The following NBAS variants were observed in gnomAD, a reference collection of about 807,000 sequenced individuals.
The protein encoded by NBAS is NBAS subunit of NRZ tethering complex.
NBAS carries 219 observed loss-of-function variants against 302.5 expected under a neutral mutation model. The observed-to-expected ratio is 0.72, with a 90% CI of 0.65 to 0.81. The LOEUF is 0.81. Among genes scored for constraint, NBAS ranks in the 30% least tolerant of loss-of-function variants. The pLI is 0.00. For synonymous variants in NBAS, 1,118 were observed against 1,021.6 expected, an observed-to-expected ratio of 1.09 and a Z score of -1.80; for missense variants, 2,932 against 2,841.6, an observed-to-expected ratio of 1.03 and a Z score of -0.72.
At position 15,189,728 on chromosome 2, in the gene NBAS, G is replaced by A. The variant is rs934425233; in HGVS notation, c.6572+536C>T. Among the ~76,000 whole-genome samples the A allele has an allele frequency of 2.0e-5, 3 of 152,184 alleles. No homozygotes were observed. In the East Asian group the frequency reaches 5.8e-4, roughly 29 times the overall value. The stretch of plus-strand genomic sequence containing the variant: ...ACAGGGGCTGTGAAGGTAGCCAGCA[G>A]TTGGTTAGAATTCTGTCTCCTCCAC... On this transcript the variant is annotated intron_variant, in intron 49 of 51. Transcript: ENST00000281513.
At chr2:15,334,956 A>C (rs1015118544) in intron 35 of NBAS, among the ~76,000 whole-genome samples, 2 of 152,164 alleles carry the variant, frequency 1.3e-5, no homozygotes, top group East Asian at 3.8e-4. Context: ...AGCATAAATT[A>C]ATTTTGTCTA....
downstream of NBAS, among the ~76,000 whole-genome samples, chr2:15,163,419 T>C (rs1205597895): frequency 6.6e-6 from 1 of 152,216 alleles, no homozygotes; most frequent in Non-Finnish European, 1.5e-5. Context: ...CCTGCTCTCC[T>C]GACTGGCTCT....
chr2:15,047,939 G>C, the NBAS span, among the ~76,000 whole-genome samples: 1 of 152,236 alleles, frequency 6.6e-6, no homozygotes, highest in Admixed American at 6.5e-5. Context: ...ATTAGAAAAC[G>C]TTCATCGGTT....
chr2:15,113,934 G>A, the NBAS span, among the ~76,000 whole-genome samples: 1 of 152,112 alleles, frequency 6.6e-6, no homozygotes, highest in Non-Finnish European at 1.5e-5. Flanking sequence ...CACAAAAAGA[G>A]AGACAAGAGA....
intron 42 of NBAS, among the ~76,000 whole-genome samples, chr2:15,281,295 C>T (rs560294857): frequency 7.2e-5 from 11 of 152,112 alleles, no homozygotes; most frequent in Non-Finnish European, 1.5e-4. Flanking sequence ...TACTACCTTG[C>T]CAACAAAAAC....
At chr2:14,837,232 C>A in the NBAS span, among the ~76,000 whole-genome samples, 1 of 151,794 alleles carries the variant, frequency 6.6e-6, no homozygotes, top group Admixed American at 6.6e-5. Context: ...TGTTCCCAAT[C>A]TCAAATGGAA....
At position 15,338,923 on chromosome 2, in the gene NBAS, G is replaced by A. The variant is rs78037229; in HGVS notation, c.4180-8158C>T. 8.5e-3 allele frequency among the ~76,000 whole-genome samples: 1,291 copies of A among 152,176 alleles called. 19 individuals carry two copies. The highest frequency in any genetic ancestry group is 0.059 in the East Asian group (306 of 5,184). On this transcript the variant is annotated intron_variant, in intron 35 of 51. Transcript: ENST00000281513. The stretch of plus-strand genomic sequence containing the variant: ...AGCTACTTGGGGGGCTGAGGCAGAA[G>A]GATCACTTAAGCCCCGGAGTTCAAT...
chr2:15,066,619 A>G, the NBAS span, among the ~76,000 whole-genome samples: 1 of 152,296 alleles, frequency 6.6e-6, no homozygotes, highest in African/African-American at 2.4e-5. Flanking sequence ...GACATCACTA[A>G]TCATCAGGGA....
the NBAS span, among the ~76,000 whole-genome samples, chr2:14,795,745 C>T: frequency 1.3e-4 from 20 of 151,976 alleles, no homozygotes; most frequent in South Asian, 2.1e-4. Context: ...TTCTGTGCAC[C>T]GCAAGGTATT....
chr2:15,557,228 A>T (rs1311926161), intron 2 of NBAS, among the ~76,000 whole-genome samples: 1 of 152,200 alleles, frequency 6.6e-6, no homozygotes, highest in Non-Finnish European at 1.5e-5. Context: ...TTAAAACAGT[A>T]ATACCTAAAA....
chr2:15,153,669 G>C, the NBAS span, among the ~76,000 whole-genome samples: 1 of 152,168 alleles, frequency 6.6e-6, no homozygotes, highest in East Asian at 1.9e-4. Context: ...TCTAAAATCA[G>C]GCATCTTACT....
At position 15,394,330 on chromosome 2, in the gene NBAS, T is replaced by C; in HGVS notation, c.3154A>G (p.Lys1052Glu). ...QILSVSELLE[K>E]HGLEKPISFV... ...GAAATTGGTTTCTCGAGTCCATGTT[T>C]TTCCAAAAGCTCTGACACACTATAA... is the stretch of plus-strand genomic sequence containing the variant. Residue 1052 changes from lysine to glutamate, a missense_variant, in exon 28 of 52, where the codon AAA becomes GAA. Lys to Glu is a moderately conservative substitution (Grantham distance 56). Transcript: ENST00000281513. The C allele has an allele frequency of 2.5e-6, 4 of 1,613,180 alleles. No individual in the cohort carries two copies. The highest frequency in any genetic ancestry group is 3.4e-6 in the Non-Finnish European group (4 of 1,179,344).
rs140188229 is a variant in NBAS at position 15,353,641 on chromosome 2, C to T, written c.4001G>A (p.Arg1334His). Residue 1334 changes from arginine (R) to histidine (H), a missense_variant, in exon 34 of 52, where the codon CGT (arginine) becomes CAT (histidine). By Grantham distance (29) the Arg-to-His change is conservative. Coordinates refer to ENST00000281513, the MANE Select transcript of NBAS (RefSeq NM_015909.4). ...CAAAGCAAAAGCCATGAGCTCTTGA[C>T]GAGTGGCCAAGTCCTGGTAACCTTC... ...QSEGYQDLAT[R>H]QELMAFALTH... The T allele has an allele frequency of 2.0e-5, 33 of 1,613,922 alleles. No homozygotes were observed. The highest frequency in any genetic ancestry group is 1.6e-4 in the East Asian group (7 of 44,876).
At position 15,275,757 on chromosome 2, in the gene NBAS, A is replaced by G. The variant is rs1176955644; in HGVS notation, c.5451T>C (p.Val1817=). 29 of 1,614,084 alleles carry G rather than the reference A, an allele frequency of 1.8e-5. No homozygotes were observed. Among genetic ancestry groups the G allele is most frequent in the Non-Finnish European group, 2.2e-5 (26 of 1,180,044 alleles). Residue 1817 remains valine, a synonymous_variant, in exon 44 of 52, where the codon GTT becomes GTC. Transcript: ENST00000281513. ...TAGACAAGATATTTTGACTTGAAAG[A>G]ACTGGCTCCAATGCTTCAAGAGGAC... ...NMSPLEALEP[V]LSSQNILSIS... is the part of the protein sequence containing the mutation.
the NBAS span, among the ~76,000 whole-genome samples, chr2:14,967,268 C>A: frequency 6.6e-6 from 1 of 151,866 alleles, no homozygotes; most frequent in Non-Finnish European, 1.5e-5. Flanking sequence ...AAACTACTAG[C>A]AGAATTTTTT....
chr2:14,821,557 A>T, the NBAS span, among the ~76,000 whole-genome samples: 1 of 152,162 alleles, frequency 6.6e-6, no homozygotes, highest in Non-Finnish European at 1.5e-5. Flanking sequence ...TCCCCGGACT[A>T]GAACTCAGCC....
intron 21 of NBAS, 137 bp from the exon 22 acceptor site, chr2:15,427,931 G>C: frequency 1.4e-6 from 1 of 698,396 alleles, no homozygotes; most frequent in Non-Finnish European, 2.5e-6. Context: ...AGTGGTACAG[G>C]ATACATATTA....
intron 19 of NBAS, among the ~76,000 whole-genome samples, chr2:15,464,550 C>T (rs1001329267): frequency 1.3e-5 from 2 of 152,220 alleles, no homozygotes; most frequent in South Asian, 4.1e-4. Flanking sequence ...AAGTCCTCCT[C>T]ACCCTCTACT....
chr2:15,130,392 T>C, the NBAS span, among the ~76,000 whole-genome samples: 12 of 152,376 alleles, frequency 7.9e-5, no homozygotes, highest in African/African-American at 2.4e-4. Flanking sequence ...ATTTACCCTC[T>C]ACACAGCATA....
Sources: gnomAD v4.1 joint callset for allele counts (sites outside exome capture counted in the v4.1 genomes callset) on GRCh38, gnomAD v4.1.1 for gene constraint, MANE v1.5 for transcripts, NCBI Gene and HGNC (gene_info 2026-07-23, HGNC 2026-07-21) for gene names.